The following NTM variants were observed in gnomAD, a reference collection of about 807,000 sequenced individuals.
NTM encodes neurotrimin, also known as IgLON family member 2.
NTM carries 13 observed loss-of-function variants against 42.1 expected under a neutral mutation model. That is an observed-to-expected ratio of 0.31 (90% CI 0.20 to 0.49). The LOEUF (loss-of-function observed/expected upper bound fraction) is 0.49, where lower values mean the gene tolerates loss of function less well. NTM is among the 20% of genes least tolerant of loss of function. The pLI is 0.99. For synonymous variants in NTM, 187 were observed against 179.2 expected (o/e 1.04, Z -0.35); for missense variants, 373 against 452.8 (o/e 0.82, Z 1.60).
chr11:131,451,854 G>C (rs1950513497), intron 1 of NTM, among the ~76,000 whole-genome samples: 1 of 152,122 alleles, frequency 6.6e-6, no homozygotes, highest in Admixed American at 6.5e-5. Flanking sequence ...GGCCTGCAAG[G>C]AGACCATTTG....
intron 1 of NTM, among the ~76,000 whole-genome samples, chr11:131,873,159 A>G (rs2047974666): frequency 6.6e-6 from 1 of 152,198 alleles, no homozygotes; most frequent in Non-Finnish European, 1.5e-5. Context: ...TGGCACATAT[A>G]CACCATGGAA....
At chr11:132,320,541 G>A (rs3099768) in intron 7 of NTM, among the ~76,000 whole-genome samples, 35 of 151,864 alleles carry the variant, frequency 2.3e-4, no homozygotes, top group Middle Eastern at 6.8e-3. Context: ...ACGGAGTCTC[G>A]CTGATTGCTA....
rs2061702224 is a variant in NTM, at chr11:132,102,169, A to G, written c.168-44113A>G. ...CATTCAGATGGTATCCCTTTCAGGA[A>G]ACATTACTTTAGCTCCCAAAGTATC... is the stretch of plus-strand genomic sequence containing the variant. On this transcript the variant is annotated intron_variant, in intron 2 of 8. Transcript: ENST00000683400. Among the ~76,000 whole-genome samples, 3 of 152,354 alleles carry G rather than the reference A, an allele frequency of 2.0e-5. No individual in the cohort carries two copies. In the South Asian group the frequency reaches 6.2e-4, roughly 32 times the overall value.
chr11:131,919,206 G>C (rs1339680471), intron 2 of NTM, among the ~76,000 whole-genome samples: 1 of 151,814 alleles, frequency 6.6e-6, no homozygotes, highest in African/African-American at 2.4e-5. Flanking sequence ...TGTTCTCTTA[G>C]GTTGAAAGTC....
chr11:131,461,253 C>T (rs2136111068), intron 1 of NTM, among the ~76,000 whole-genome samples: 1 of 152,290 alleles, frequency 6.6e-6, no homozygotes, highest in African/African-American at 2.4e-5. Flanking sequence ...AATCCCAACT[C>T]CCTTATTGTT....
chr11:132,293,115 G>C (rs2094505342), intron 4 of NTM, among the ~76,000 whole-genome samples: 1 of 152,130 alleles, frequency 6.6e-6, no homozygotes, highest in South Asian at 2.1e-4. Context: ...TGAGGATGCA[G>C]ATGGAGACTC....
chr11:131,505,648 C>G (rs892405179), intron 1 of NTM, among the ~76,000 whole-genome samples: 1 of 152,196 alleles, frequency 6.6e-6, no homozygotes, highest in Non-Finnish European at 1.5e-5. Flanking sequence ...TCCTTCACCA[C>G]CATGGCAGAG....
intron 1 of NTM, among the ~76,000 whole-genome samples, chr11:131,568,597 C>T (rs2057128422): frequency 2.0e-5 from 3 of 152,196 alleles, no homozygotes; most frequent in Admixed American, 2.0e-4. Context: ...GCTGCACCCA[C>T]ACTTCTCATG....
chr11:132,312,628 A>G (rs999565291), intron 6 of NTM: 7 of 154,846 alleles, frequency 4.5e-5, no homozygotes, highest in Non-Finnish European at 8.8e-5. Flanking sequence ...GCTGTCAAGC[A>G]GGAGCCTACT....
At chr11:131,598,776 TTC>T (rs2060117807) in intron 1 of NTM, among the ~76,000 whole-genome samples, 1 of 94,310 alleles carries the variant, frequency 1.1e-5, no homozygotes, top group African/African-American at 3.8e-5. Context: ...TTTTCTTTCT[TTC>T]TTTCTTCTTT....
In NTM at chr11:131,472,605, G is replaced by C. The variant is rs146149649; in HGVS notation, c.82+101717G>C. On this transcript the variant is annotated intron_variant, in intron 1 of 8. Coordinates refer to ENST00000683400, the MANE Select transcript of NTM (RefSeq NM_001352005.2). ...AGCAAATGTTAGGTGCCTTAAGAAAGACACAGTTATTTTTCCAAACAATTT... is the reference window on the plus strand; with the variant it reads ...AGCAAATGTTAGGTGCCTTAAGAAACACACAGTTATTTTTCCAAACAATTT... Among the ~76,000 whole-genome samples, 172 of 152,272 alleles carry C rather than the reference G, an allele frequency of 1.1e-3. 1 individual carries two copies. Among genetic ancestry groups the C allele is most frequent in the Non-Finnish European group, 2.0e-3 (136 of 68,014 alleles).
At chr11:131,488,024 C>T (rs1954372665) in intron 1 of NTM, among the ~76,000 whole-genome samples, 1 of 152,152 alleles carries the variant, frequency 6.6e-6, no homozygotes, top group South Asian at 2.1e-4. Context: ...ACACATAGCA[C>T]CAGTGCCTGG....
chr11:131,499,936 T>G (rs2046526913), intron 1 of NTM, among the ~76,000 whole-genome samples: 1 of 152,236 alleles, frequency 6.6e-6, no homozygotes, highest in Admixed American at 6.5e-5. Context: ...GCCACATCAC[T>G]GCCAAGAAAA....
intron 2 of NTM, among the ~76,000 whole-genome samples, chr11:132,145,113 T>C (rs1201320899): frequency 6.6e-6 from 1 of 152,112 alleles, no homozygotes; most frequent in Non-Finnish European, 1.5e-5. Context: ...ACATTATGAG[T>C]CTCACATAGT....
rs1027336271 is a variant in NTM, at chr11:132,002,523, T to C, written c.167+90875T>C. Among the ~76,000 whole-genome samples the C allele has an allele frequency of 8.5e-5, 13 of 152,186 alleles. No individual in the cohort carries two copies. Among genetic ancestry groups the C allele is most frequent in the Admixed American group, 8.5e-4 (13 of 15,266 alleles). ...TACAATTACTACTCTGCAAATACTA[T>C]GTAGAAGAATGAAATGATGTGTTGG... On this transcript the variant is annotated intron_variant, in intron 2 of 8. Coordinates refer to ENST00000683400, the MANE Select transcript of NTM (RefSeq NM_001352005.2). The surrounding 1 kb of genome is among the most constrained non-coding windows in gnomAD (Gnocchi z 4.5).
At chr11:131,702,504 G>A (rs1333804219) in intron 1 of NTM, among the ~76,000 whole-genome samples, 1 of 152,148 alleles carries the variant, frequency 6.6e-6, no homozygotes, top group Non-Finnish European at 1.5e-5. Context: ...ATTGGGTTTA[G>A]AACTCACTCT....
intron 1 of NTM, among the ~76,000 whole-genome samples, chr11:131,546,038 A>G (rs1262882489): frequency 6.6e-6 from 1 of 152,110 alleles, no homozygotes; most frequent in Non-Finnish European, 1.5e-5. Context: ...TGGAATTTGA[A>G]TTTTTATACT....
intron 3 of NTM, among the ~76,000 whole-genome samples, chr11:132,166,792 C>A (rs1566356731): frequency 6.6e-6 from 1 of 152,188 alleles, no homozygotes; most frequent in Non-Finnish European, 1.5e-5. Flanking sequence ...CAGGAATACA[C>A]CTGAATGTGG....
intron 1 of NTM, among the ~76,000 whole-genome samples, chr11:131,696,787 A>C (rs1592600810): frequency 7.6e-6 from 1 of 132,432 alleles, no homozygotes; most frequent in Non-Finnish European, 1.7e-5. Flanking sequence ...CCACGCATGC[A>C]CACACACACA....
Sources: allele counts gnomAD v4.1 joint callset (sites outside exome capture counted in the v4.1 genomes callset), GRCh38; gene constraint gnomAD v4.1.1; non-coding constraint Gnocchi (gnomAD v3.1); transcripts MANE v1.5; gene names NCBI Gene and HGNC (gene_info 2026-07-23, HGNC 2026-07-21).